The following PCNT variants were observed in gnomAD, a reference collection of about 807,000 sequenced individuals.
The protein encoded by PCNT is pericentrin.
In PCNT, 319 loss-of-function variants were observed where a neutral mutation model predicts 380.4. The observed-to-expected ratio is 0.84, with a 90% CI of 0.77 to 0.92. The LOEUF (loss-of-function observed/expected upper bound fraction) is 0.92, where lower values mean the gene tolerates loss of function less well. Among genes scored for constraint, PCNT ranks in the 40% least tolerant of loss-of-function variants. PCNT has a pLI of 0.00. For synonymous variants in PCNT, 1,845 were observed against 1,735.2 expected (o/e 1.06, Z -1.57); for missense variants, 4,400 against 4,255.3 (o/e 1.03, Z -0.95).
Position 46,349,079 on chromosome 21 carries a change from C to T in PCNT, c.1100C>T (p.Ala367Val), listed in dbSNP as rs1212358634. Reference protein sequence around the residue: ...CLENLRKELSAKHQSEMEDLQ... With the variant: ...CLENLRKELSVKHQSEMEDLQ... ...GAAAATCTACGCAAAGAACTGTCTG[C>T]AAAGCATCAATCAGAAATGGAGGAT... is the stretch of plus-strand genomic sequence containing the variant. Residue 367 changes from alanine (A) to valine (V), a missense_variant, in exon 7 of 47, where the codon GCA becomes GTA. By Grantham distance (64) the Ala-to-Val change is moderately conservative (BLOSUM62 0). Transcript: ENST00000359568. 3.7e-6 allele frequency: 6 copies of T among 1,606,832 alleles called. No homozygotes were observed. Among genetic ancestry groups the T allele is most frequent in the African/African-American group, 1.3e-5 (1 of 74,844 alleles).
At chr21:46,374,947 TTCCCCGCGGCGATGCTTTA>T (rs974694626) in intron 15 of PCNT, among the ~76,000 whole-genome samples, 2 of 152,104 alleles carry the variant, frequency 1.3e-5, no homozygotes, top group East Asian at 1.9e-4. Context: ...TGTCCTGTTC[TTCCCCGCGGCGATGCTTTA>T]TCTGAGCCTC....
rs112527886 is a variant in PCNT at position 46,347,239 on chromosome 21, C to T, written c.977-218C>T. ...GGTCTGTGATAGGTGCGACCCAGGG[C>T]TGACCTTCACCTCCTCTCTTAGATC... On this transcript the variant is annotated intron_variant, in intron 5 of 46. Coordinates refer to ENST00000359568, the MANE Select transcript of PCNT (RefSeq NM_006031.6). Among the ~76,000 whole-genome samples, 567 of 152,258 alleles carry T rather than the reference C, an allele frequency of 3.7e-3. 4 individuals are homozygous for T. Among genetic ancestry groups the T allele is most frequent in the African/African-American group, 0.013 (544 of 41,550 alleles).
intron 17 of PCNT, among the ~76,000 whole-genome samples, chr21:46,387,735 A>G (rs1034617734): frequency 1.3e-5 from 2 of 152,138 alleles, no homozygotes; most frequent in African/African-American, 2.4e-5. Flanking sequence ...ATGAGTCCTC[A>G]TCGTCTGCTC....
chr21:46,361,284 G>T (rs570279537), intron 13 of PCNT, among the ~76,000 whole-genome samples: 1 of 152,184 alleles, frequency 6.6e-6, no homozygotes, highest in Non-Finnish European at 1.5e-5. Context: ...CCAGCTACTC[G>T]GGGGCCTGAG....
intron 1 of PCNT, among the ~76,000 whole-genome samples, chr21:46,325,387 G>A (rs534831603): frequency 1.2e-4 from 19 of 152,288 alleles, no homozygotes; most frequent in African/African-American, 4.3e-4. Flanking sequence ...TCCCAGGAGG[G>A]TGGAGGGGGG....
At chr21:46,409,886 G>A (rs996320077) in intron 27 of PCNT, among the ~76,000 whole-genome samples, 2 of 152,200 alleles carry the variant, frequency 1.3e-5, no homozygotes, top group African/African-American at 4.8e-5. Context: ...GAGCCACCGC[G>A]CCCGGCCTCA....
At position 46,399,740 on chromosome 21, in the gene PCNT, G is replaced by C; in HGVS notation, c.4735G>C (p.Ala1579Pro). Reference sequence around the variant, plus strand: ...GAACATCAACATCAGGAAAAAAGTGGCCCAGCTCCAGGAAGAAGTGGAAAA... The same window carrying C: ...GAACATCAACATCAGGAAAAAAGTGCCCCAGCTCCAGGAAGAAGTGGAAAA... ...EMNINIRKKV[A>P]QLQEEVEKQK... The change falls in exon 25 of 47, where the codon GCC becomes CCC. Residue 1579 changes from alanine to proline, a missense_variant. Ala to Pro is a conservative substitution (Grantham distance 27). Transcript: ENST00000359568. 1 of 1,614,086 alleles carries C rather than the reference G, an allele frequency of 6.2e-7. No individual in the cohort carries two copies.
intron 41 of PCNT, among the ~76,000 whole-genome samples, chr21:46,438,539 C>T (rs2053524056): frequency 6.6e-6 from 1 of 152,244 alleles, no homozygotes; most frequent in African/African-American, 2.4e-5. Flanking sequence ...CGACTTCCAG[C>T]TCCGCCACAG....
chr21:46,340,194 C>A (rs927278978), intron 3 of PCNT, among the ~76,000 whole-genome samples: 1 of 152,140 alleles, frequency 6.6e-6, no homozygotes, highest in Non-Finnish European at 1.5e-5. Flanking sequence ...ATAAAACCAT[C>A]GGATCTAGTG....
intron 2 of PCNT, among the ~76,000 whole-genome samples, chr21:46,332,156 A>G (rs2083580313): frequency 2.0e-5 from 3 of 152,208 alleles, no homozygotes; most frequent in South Asian, 2.1e-4. Flanking sequence ...GCGAGACTTT[A>G]TCTCCAAAAA....
Position 46,416,740 on chromosome 21 carries a change from G to A in PCNT, c.6822G>A (p.Pro2274=), listed in dbSNP as rs375741970. 1.8e-3 allele frequency: 2,838 copies of A among 1,597,238 alleles called. 61 individuals carry two copies. The South Asian group carries it at 0.03, about 17-fold the overall frequency. ...CCTCGCTGCCACAGACCCAGGGGCC[G>A]GGGCTGCTTTGTTCCCCAGGCGTGT... ...ADTSLPQTQG[P]GLLCSPGVSA... is the part of the protein sequence containing the mutation. Residue 2274 remains proline (P), a synonymous_variant, in exon 30 of 47, where the codon CCG becomes CCA. Coordinates refer to ENST00000359568, the MANE Select transcript of PCNT (RefSeq NM_006031.6).
intron 1 of PCNT, among the ~76,000 whole-genome samples, chr21:46,325,664 A>G (rs1287184197): frequency 6.6e-6 from 1 of 152,150 alleles, no homozygotes; most frequent in African/African-American, 2.4e-5. Context: ...TTGTCTTTTG[A>G]GGGAACAGAT....
At position 46,428,469 on chromosome 21, in the gene PCNT, G is replaced by A. The variant is rs376826119; in HGVS notation, c.7569G>A (p.Ala2523=). 32 of 1,612,246 alleles carry A rather than the reference G, an allele frequency of 2.0e-5. No individual in the cohort carries two copies. The highest frequency in any genetic ancestry group is 2.6e-5 in the Non-Finnish European group (31 of 1,179,840). Residue 2523 remains alanine, a synonymous_variant, in exon 35 of 47, where the codon GCG becomes GCA. Coordinates refer to ENST00000359568, the MANE Select transcript of PCNT (RefSeq NM_006031.6). ...DRSSLLSEIQ[A]LRAQLRMTHL... ...GCAGCCTGCTGTCCGAGATCCAGGC[G>A]CTGCGTGCCCAGCTGCGCATGACGC...
At chr21:46,364,438 CAG>C (rs4050290) in intron 14 of PCNT, among the ~76,000 whole-genome samples, 48,466 of 152,090 alleles carry the variant, frequency 0.32, 8,281 homozygotes, top group Middle Eastern at 0.41. Flanking sequence ...GGGTGGGTGT[CAG>C]GGGCGGGGAT....
At chr21:46,390,584 G>C (rs1343514713) in intron 19 of PCNT, 86 bp from the exon 20 acceptor site, 4 of 1,442,614 alleles carry the variant, frequency 2.8e-6, no homozygotes, top group Non-Finnish European at 3.9e-6. Flanking sequence ...GAAGGGTCTG[G>C]GGGTAGAAGT....
At chr21:46,420,108 G>T (rs1469420520) in intron 31 of PCNT, among the ~76,000 whole-genome samples, 1 of 152,082 alleles carries the variant, frequency 6.6e-6, no homozygotes, top group Non-Finnish European at 1.5e-5. Flanking sequence ...CCTTTGAGGG[G>T]CCTGCGCGGT....
intron 21 of PCNT, among the ~76,000 whole-genome samples, chr21:46,393,615 C>A (rs1400205876): frequency 6.6e-6 from 1 of 152,192 alleles, no homozygotes; most frequent in Non-Finnish European, 1.5e-5. Flanking sequence ...GTTTGTCAGG[C>A]CTCCGGGCAG....
chr21:46,408,118 A>T (rs1772475602), intron 27 of PCNT, among the ~76,000 whole-genome samples: 1 of 152,128 alleles, frequency 6.6e-6, no homozygotes, highest in African/African-American at 2.4e-5. Flanking sequence ...CACTCAAAAA[A>T]TTTTCTTTGT....
At chr21:46,334,901 G>C in intron 3 of PCNT, 133 bp downstream of exon 3, 3 of 1,427,610 alleles carry the variant, frequency 2.1e-6, no homozygotes, top group Non-Finnish European at 2.9e-6. Flanking sequence ...GAAGCATAGA[G>C]AGCTGGAGGC....
Sources: gnomAD v4.1 joint callset for allele counts (sites outside exome capture counted in the v4.1 genomes callset) on GRCh38, gnomAD v4.1.1 for gene constraint, MANE v1.5 for transcripts, NCBI Gene and HGNC (gene_info 2026-07-23, HGNC 2026-07-21) for gene names.